BCR: variants seen among roughly 807,000 people sequenced by gnomAD.
BCR encodes breakpoint cluster region protein.
Under a neutral mutation model 138.6 loss-of-function variants are expected in BCR, and 58 were observed. The observed-to-expected ratio is 0.42, with a 90% CI of 0.34 to 0.52. BCR has a LOEUF of 0.52. Ranked by LOEUF, BCR falls within the 20% of genes least tolerant of loss-of-function variation. The pLI is 0.06. For missense variants in BCR, 1,599 were observed against 1,727.2 expected (o/e 0.93, Z 1.32); for synonymous variants, 786 against 730.1 (o/e 1.08, Z -1.23).
intron 8 of BCR, among the ~76,000 whole-genome samples, chr22:23,275,437 C>T (rs1366131779): frequency 4.6e-5 from 7 of 152,220 alleles, no homozygotes; most frequent in Admixed American, 2.0e-4. Context: ...TGGCAGTCCT[C>T]GCCATCCGTG....
In BCR at chr22:23,180,915, C is replaced by T. The variant is rs2072239896; in HGVS notation, c.-46C>T. ...GCGAGGCGCCGCGCCGCCGCTGAGA[C>T]GGGCCCCGCGCGCAGCCCGGCGGCG... On this transcript the variant is annotated 5_prime_UTR_variant, in exon 1 of 23. In the 5' UTR this introduces an upstream ATG that the reference lacks. Coordinates refer to ENST00000305877, the MANE Select transcript of BCR (RefSeq NM_004327.4). 4 of 1,062,112 alleles carry T rather than the reference C, an allele frequency of 3.8e-6. No homozygotes were observed. Among genetic ancestry groups the T allele is most frequent in the Middle Eastern group, 4.3e-4 (1 of 2,302 alleles). The allele number at this position is 1,062,112 out of a possible 1,614,324, so 65.8% of individuals were successfully genotyped here.
Position 23,181,402 on chromosome 22 carries a change from C to A in BCR, c.442C>A (p.Pro148Thr). 6.4e-7 allele frequency: 1 copy of A among 1,565,940 alleles called. No individual in the cohort carries two copies. Among genetic ancestry groups the A allele is most frequent in the East Asian group, 2.3e-5 (1 of 44,012 alleles). ...ASGERDDRGPPASVAALRSNF... is the reference protein window; with the variant it reads ...ASGERDDRGPTASVAALRSNF... ...GGGGGAACGGGACGACCGGGGACCC[C>A]CCGCCAGCGTGGCGGCGCTCAGGTC... Residue 148 changes from proline to threonine, a missense_variant, in exon 1 of 23, where the codon CCC (proline) becomes ACC (threonine). By Grantham distance (38) the Pro-to-Thr change is conservative (BLOSUM62 -1). Transcript: ENST00000305877.
At chr22:23,238,286 A>G (rs1418505768) in intron 1 of BCR, among the ~76,000 whole-genome samples, 1 of 152,102 alleles carries the variant, frequency 6.6e-6, no homozygotes, top group Non-Finnish European at 1.5e-5. Flanking sequence ...TAAGAATGGA[A>G]GAGTTCCTGG....
At position 23,273,784 on chromosome 22, in the gene BCR, G is replaced by C. The variant is rs201478649; in HGVS notation, c.2115+10G>C. The C allele has an allele frequency of 1.2e-6, 2 of 1,613,712 alleles. No homozygotes were observed. Among genetic ancestry groups the C allele is most frequent in the African/African-American group, 2.7e-5 (2 of 75,034 alleles). ...GGTGAAGAAGGGAGAGGTGAGTGTG[G>C]CAGGGGATGGCTTGGGTCCACCCAT... is the stretch of plus-strand genomic sequence containing the variant. On this transcript the variant is annotated intron_variant, in intron 8 of 22. Transcript: ENST00000305877.
At chr22:23,244,672 C>T (rs2073135297) in intron 1 of BCR, among the ~76,000 whole-genome samples, 1 of 152,336 alleles carries the variant, frequency 6.6e-6, no homozygotes, top group Non-Finnish European at 1.5e-5. Flanking sequence ...AGCACAGTGT[C>T]CTGCACGTAT....
chr22:23,297,799 T>C (rs536765640), intron 16 of BCR, among the ~76,000 whole-genome samples: 175 of 152,036 alleles, frequency 1.2e-3, no homozygotes, highest in Non-Finnish European at 2.1e-3. Flanking sequence ...TGAGTACTAT[T>C]GCTAAGTAAC....
rs781458682 is a variant in BCR, at chr22:23,182,202, G to C, written c.1242G>C (p.Trp414Cys). The C allele has an allele frequency of 6.3e-7, 1 of 1,588,508 alleles. No individual in the cohort carries two copies. The highest frequency in any genetic ancestry group is 1.3e-5 in the African/African-American group (1 of 74,804). Residue 414 changes from tryptophan (W) to cysteine (C), a missense_variant, in exon 1 of 23, where the codon TGG becomes TGC. Physicochemically the swap from Trp to Cys is radical, Grantham distance 215. Coordinates refer to ENST00000305877, the MANE Select transcript of BCR (RefSeq NM_004327.4). ...IVGVRKTGQI[W>C]PNDGEGAFHG... ...GCGTCCGCAAGACCGGGCAGATCTG[G>C]CCCAACGATGGCGAGGGCGCCTTCC...
rs1186572382 is a variant in BCR at position 23,292,427 on chromosome 22, C to G, written c.2783-114C>G. The stretch of plus-strand genomic sequence containing the variant: ...TAATTTTTAAAAAGAAAGTTACAAC[C>G]TTTTTTTTTTATTTTTATTTTTTCT... On this transcript the variant is annotated intron_variant, in intron 14 of 22. Transcript: ENST00000305877. 7 of 796,218 alleles carry G rather than the reference C, an allele frequency of 8.8e-6. No homozygotes were observed. In the East Asian group the frequency reaches 1.7e-4, roughly 20 times the overall value. 49.3% of individuals were successfully genotyped at this position (796,218 alleles called of 1,614,324 possible). A position where few individuals can be genotyped will look rare whatever the true frequency, so the allele number is the denominator to read the frequency against.
At chr22:23,295,932 A>G (rs2073840563) in intron 16 of BCR, among the ~76,000 whole-genome samples, 1 of 152,082 alleles carries the variant, frequency 6.6e-6, no homozygotes, top group African/African-American at 2.4e-5. Context: ...GGTTGTGGGT[A>G]CAGCTCTCTC....
chr22:23,194,793 G>A (rs1404502160), intron 1 of BCR, among the ~76,000 whole-genome samples: 1 of 151,828 alleles, frequency 6.6e-6, no homozygotes, highest in Non-Finnish European at 1.5e-5. Context: ...ATTTAAAAGT[G>A]AGCTGGGCAT....
At chr22:23,249,976 G>T (rs2146263910) in intron 1 of BCR, among the ~76,000 whole-genome samples, 1 of 152,326 alleles carries the variant, frequency 6.6e-6, no homozygotes, top group Non-Finnish European at 1.5e-5. Context: ...GCAGAGTCTG[G>T]CCGTGAGACC....
chr22:23,219,137 A>C (rs1053616379), intron 1 of BCR, among the ~76,000 whole-genome samples: 1 of 152,206 alleles, frequency 6.6e-6, no homozygotes, highest in Non-Finnish European at 1.5e-5. Context: ...ATCTTTTAAA[A>C]ATAATCCAGG....
At chr22:23,233,883 A>G (rs940558374) in intron 1 of BCR, among the ~76,000 whole-genome samples, 1 of 151,670 alleles carries the variant, frequency 6.6e-6, no homozygotes, top group African/African-American at 2.4e-5. Context: ...CCCATGGAGA[A>G]TCAGATATTC....
At chr22:23,284,884 C>A in intron 9 of BCR, 149 bp from the exon 10 acceptor site, 1 of 829,450 alleles carries the variant, frequency 1.2e-6, no homozygotes, top group Non-Finnish European at 1.8e-6. Flanking sequence ...GTGGCCTCAT[C>A]CCAGTCTGTC....
At chr22:23,288,750 T>C (rs901210127) in intron 12 of BCR, among the ~76,000 whole-genome samples, 1 of 152,212 alleles carries the variant, frequency 6.6e-6, no homozygotes, top group Non-Finnish European at 1.5e-5. Context: ...CCCTCCTGTC[T>C]GGGGCAGCCC....
chr22:23,279,942 C>T lies in BCR; in HGVS notation c.2116-4035C>T, dbSNP rs116066536. Among the ~76,000 whole-genome samples the T allele has an allele frequency of 3.9e-3, 593 of 152,330 alleles. 1 individual carries two copies. Among genetic ancestry groups the T allele is most frequent in the African/African-American group, 0.013 (552 of 41,578 alleles). On this transcript the variant is annotated intron_variant, in intron 8 of 22. Coordinates refer to ENST00000305877, the MANE Select transcript of BCR (RefSeq NM_004327.4). ...GTTCTGATGAGGGCAGTGAGAAGCA[C>T]GGCCACCCTCCCACTGTACCCTCAC...
At chr22:23,290,261 T>C in intron 13 of BCR, 78 bp from the exon 14 acceptor site, 2 of 1,449,392 alleles carry the variant, frequency 1.4e-6, no homozygotes, top group Non-Finnish European at 9.7e-7. Context: ...GGATGGTTGA[T>C]TTTGAAGCAG....
intron 1 of BCR, 123 bp from the exon 2 acceptor site, chr22:23,253,676 C>G (rs747393477): frequency 6.9e-6 from 8 of 1,159,622 alleles, no homozygotes; most frequent in Non-Finnish European, 9.8e-6. Context: ...TCAGCATACC[C>G]GAGGTCGTTG....
chr22:23,218,481 G>A (rs1012967414), intron 1 of BCR, among the ~76,000 whole-genome samples: 7 of 152,224 alleles, frequency 4.6e-5, no homozygotes, highest in South Asian at 2.1e-4. Context: ...GCCTTGGCAC[G>A]GGGCCACTGT....
Sources: allele counts gnomAD v4.1 joint callset (sites outside exome capture counted in the v4.1 genomes callset), GRCh38; gene constraint gnomAD v4.1.1; transcripts MANE v1.5; gene names NCBI Gene and HGNC (gene_info 2026-07-23, HGNC 2026-07-21).